The following KDR variants were observed in gnomAD, a reference collection of about 807,000 sequenced individuals.
The protein encoded by KDR is kinase insert domain receptor, also known as vascular endothelial growth factor receptor 2.
In KDR, 43 loss-of-function variants were observed where a neutral mutation model predicts 160.9. The observed-to-expected ratio is 0.27, with a 90% CI of 0.21 to 0.34. The LOEUF is 0.34. Among genes scored for constraint, KDR ranks in the 10% least tolerant of loss-of-function variants. KDR has a pLI of 1.00. For missense variants in KDR, 1,469 were observed against 1,666.4 expected, an observed-to-expected ratio of 0.88 and a Z score of 2.06; for synonymous variants, 617 against 600.1, an observed-to-expected ratio of 1.03 and a Z score of -0.41.
In KDR at chr4:55,118,639, G is replaced by A. The variant is rs1469682616; in HGVS notation, c.323C>T (p.Thr108Ile). 6.2e-7 allele frequency: 1 copy of A among 1,614,144 alleles called. No homozygotes were observed. Among genetic ancestry groups the A allele is most frequent in the East Asian group, 2.2e-5 (1 of 44,878 alleles). The change falls in exon 3 of 30, where the codon ACT (threonine) becomes ATT (isoleucine). Residue 108 changes from threonine to isoleucine, a missense_variant. Around this residue, in one of 7 missense-constraint regions of KDR, gnomAD observed 792 missense variants for 840.9 expected, o/e 0.94. Coordinates refer to ENST00000263923, the MANE Select transcript of KDR (RefSeq NM_002253.4). ...TGAYKCFYRETDLASVIYVYV... is the reference protein window; with the variant it reads ...TGAYKCFYREIDLASVIYVYV... Reference sequence around the variant, plus strand: ...GACATAAATGACCGAGGCCAAGTCAGTTTCCCGGTAGAAGCACTTGTAGGC... The same window carrying A: ...GACATAAATGACCGAGGCCAAGTCAATTTCCCGGTAGAAGCACTTGTAGGC...
intron 2 of KDR, among the ~76,000 whole-genome samples, chr4:55,119,420 G>C (rs564819843): frequency 6.6e-6 from 1 of 152,150 alleles, no homozygotes; most frequent in East Asian, 1.9e-4. Context: ...AAAAATCAAT[G>C]CCTTTATGGA....
At chr4:55,106,182 A>C (rs1021770009) in intron 11 of KDR, among the ~76,000 whole-genome samples, 22 of 152,026 alleles carry the variant, frequency 1.4e-4, no homozygotes, top group African/African-American at 5.3e-4. Context: ...TGCATTGTAT[A>C]CTTACCAGTT....
At chr4:55,092,831 A>AAGCAGAGAG in intron 21 of KDR, 117 bp from the exon 22 acceptor site, 1 of 737,512 alleles carries the variant, frequency 1.4e-6, no homozygotes, top group Non-Finnish European at 2.4e-6. Flanking sequence ...TAGGAAATAG[A>AAGCAGAGAG]AGCAGAGAGT....
At chr4:55,111,843 T>C (rs1004995430) in intron 7 of KDR, among the ~76,000 whole-genome samples, 1 of 152,220 alleles carries the variant, frequency 6.6e-6, no homozygotes, top group Non-Finnish European at 1.5e-5. Context: ...GGAACTTGAG[T>C]TCCAATCTCA....
Position 55,104,954 on chromosome 4 carries a change from A to C in KDR, c.1676T>G (p.Met559Arg), listed in dbSNP as rs571373045. ...CACGCTCTCCTGCTCAGTGGGCTGC[A>C]TGTCAGGTTGCAAAGTAATTTCAGG... ...RGPEITLQPD[M>R]QPTEQESVSL... is the part of the protein sequence containing the mutation. Residue 559 changes from methionine (M) to arginine (R), a missense_variant, in exon 13 of 30, where the codon ATG becomes AGG. By Grantham distance (91) the Met-to-Arg change is moderately conservative (BLOSUM62 -1). Around this residue, in one of 7 missense-constraint regions of KDR, gnomAD observed 792 missense variants for 840.9 expected, o/e 0.94. Coordinates refer to ENST00000263923, the MANE Select transcript of KDR (RefSeq NM_002253.4). The C allele has an allele frequency of 2.8e-5, 45 of 1,613,922 alleles. No individual in the cohort carries two copies. In the South Asian group the frequency reaches 3.7e-4, roughly 13 times the overall value.
rs55962737 is a variant in KDR at position 55,079,580 on chromosome 4, G to A, written c.*361C>T. 1 of 397,682 alleles carries A rather than the reference G, an allele frequency of 2.5e-6. No homozygotes were observed. 24.6% of individuals were successfully genotyped at this position (397,682 alleles called of 1,614,324 possible). ...CTTACATTGCCTGGTTTATCTTCTA[G>A]TTTTACAGAAGTGTCAGCTCCCCAG... On this transcript the variant is annotated 3_prime_UTR_variant, in exon 30 of 30. Transcript: ENST00000263923.
rs10517341 is a variant in KDR at position 55,105,096 on chromosome 4, G to T, written c.1646-112C>A. ...TACCAAAAGAAATGAAGCTCTATCC[G>T]TTCCAGGTGATGTACTACAACTTGA... is the stretch of plus-strand genomic sequence containing the variant. On this transcript the variant is annotated intron_variant, in intron 12 of 29. Transcript: ENST00000263923. 7 of 874,952 alleles carry T rather than the reference G, an allele frequency of 8.0e-6. No homozygotes were observed. The African/African-American group carries it at 9.9e-5, about 12-fold the overall frequency. The allele number at this position is 874,952 out of a possible 1,614,324, so 54.2% of individuals were successfully genotyped here.
rs760790012 is a variant in KDR at position 55,105,817 on chromosome 4, G to A, written c.1645+15C>T. 18 of 1,500,916 alleles carry A rather than the reference G, an allele frequency of 1.2e-5. No individual in the cohort carries two copies. In the South Asian group the frequency reaches 2.0e-4, roughly 17 times the overall value. The allele number at this position is 1,500,916 out of a possible 1,614,324, so 93.0% of individuals were successfully genotyped here. ...GTGAGTGATCCAACCCAAACCTCCA[G>A]AGAAGAGTACTTACTGGTCACGTGG... On this transcript the variant is annotated intron_variant, in intron 12 of 29. Transcript: ENST00000263923.
chr4:55,106,067 C>T, intron 11 of KDR, 127 bp from the exon 12 acceptor site: 2 of 757,336 alleles, frequency 2.6e-6, no homozygotes, highest in Non-Finnish European at 4.9e-6. Flanking sequence ...AGCGGTTGGA[C>T]ACGCTCAAAT....
At chr4:55,090,392 C>G (rs1183568650) in intron 22 of KDR, among the ~76,000 whole-genome samples, 2 of 152,168 alleles carry the variant, frequency 1.3e-5, no homozygotes, top group African/African-American at 2.4e-5. Flanking sequence ...TTCCTTTTAC[C>G]TGGCCCCATA....
intron 7 of KDR, among the ~76,000 whole-genome samples, chr4:55,111,587 A>C (rs564104633): frequency 3.9e-5 from 6 of 152,288 alleles, no homozygotes; most frequent in African/African-American, 1.4e-4. Context: ...TTAGCCTCCC[A>C]ACTGACCTCC....
In KDR at chr4:55,094,787, A is replaced by T; in HGVS notation, c.2971+15T>A. On this transcript the variant is annotated intron_variant, in intron 21 of 29. Transcript: ENST00000263923. Reference sequence around the variant, plus strand: ...CAAGAGCATGCCATAGCATGCAGGAAGCACTAGCCAGTACCTTCCTCTTCT... The same window carrying T: ...CAAGAGCATGCCATAGCATGCAGGATGCACTAGCCAGTACCTTCCTCTTCT... 1 of 1,612,314 alleles carries T rather than the reference A, an allele frequency of 6.2e-7. No individual in the cohort carries two copies. Among genetic ancestry groups the T allele is most frequent in the Non-Finnish European group, 8.5e-7 (1 of 1,178,362 alleles).
chr4:55,117,725 T>C (rs1720770442), intron 3 of KDR, among the ~76,000 whole-genome samples: 1 of 152,218 alleles, frequency 6.6e-6, no homozygotes, highest in African/African-American at 2.4e-5. Flanking sequence ...AAAAGGCATA[T>C]ACGTAAATAC....
intron 15 of KDR, among the ~76,000 whole-genome samples, chr4:55,099,132 C>T (rs1720245921): frequency 6.6e-6 from 1 of 152,022 alleles, no homozygotes; most frequent in South Asian, 2.1e-4. Flanking sequence ...TCTCCCCCCT[C>T]AGCCTCCCGA....
Position 55,089,941 on chromosome 4 carries a change from A to C in KDR, c.3192+15T>G. Reference sequence around the variant, plus strand: ...TGTTACTTAACCAAGCACTGGGTTCATATTTGAAACTTACATCTCCTTTTC... The same window carrying C: ...TGTTACTTAACCAAGCACTGGGTTCCTATTTGAAACTTACATCTCCTTTTC... On this transcript the variant is annotated intron_variant, in intron 23 of 29. Coordinates refer to ENST00000263923, the MANE Select transcript of KDR (RefSeq NM_002253.4). 1 of 1,614,080 alleles carries C rather than the reference A, an allele frequency of 6.2e-7. No homozygotes were observed. The highest frequency in any genetic ancestry group is 8.5e-7 in the Non-Finnish European group (1 of 1,179,920).
At position 55,086,194 on chromosome 4, in the gene KDR, C is replaced by T. The variant is rs149022508; in HGVS notation, c.3662+1413G>A. The stretch of plus-strand genomic sequence containing the variant: ...AACATGGACTTAGGGGTCAGAGGAA[C>T]TGGATTCATCTCAAGGATGTGATTT... On this transcript the variant is annotated intron_variant, in intron 27 of 29. Coordinates refer to ENST00000263923, the MANE Select transcript of KDR (RefSeq NM_002253.4). 3.6e-3 allele frequency among the ~76,000 whole-genome samples: 555 copies of T among 152,286 alleles called. 1 individual carries two copies. Among genetic ancestry groups the T allele is most frequent in the African/African-American group, 0.012 (507 of 41,558 alleles).
rs200156529 is a variant in KDR at position 55,095,664 on chromosome 4, C to T, written c.2730G>A (p.Gly910=). Residue 910 remains glycine (G), a splice_region_variant and synonymous_variant, in exon 20 of 30, where the codon GGG becomes GGA. Transcript: ENST00000263923. ...AGAATTCCACAATCACCATGAGTGG[C>T]CCTGCAGGCAGCATGTCCAGGAAGG... ...NLLGACTKPG[G]PLMVIVEFCK... 3.1e-6 allele frequency: 5 copies of T among 1,611,552 alleles called. No homozygotes were observed. Among genetic ancestry groups the T allele is most frequent in the Non-Finnish European group, 4.2e-6 (5 of 1,177,822 alleles).
At position 55,092,694 on chromosome 4, in the gene KDR, C is replaced by A. The variant is rs2110013743; in HGVS notation, c.2992G>T (p.Asp998Tyr). The stretch of plus-strand genomic sequence containing the variant: ...ATGAGATGCTCCAAGGTCAGGAAGT[C>A]CTTATACAGATCTTCAGGAGCTGTC... ...EEEAPEDLYK[D>Y]FLTLEHLICY... Residue 998 changes from aspartate (D) to tyrosine (Y), a missense_variant, in exon 22 of 30, where the codon GAC becomes TAC. By Grantham distance (160) the Asp-to-Tyr change is radical. Coordinates refer to ENST00000263923, the MANE Select transcript of KDR (RefSeq NM_002253.4). 6.2e-7 allele frequency: 1 copy of A among 1,613,522 alleles called. No individual in the cohort carries two copies.
chr4:55,115,945 A>G (rs1169969224), intron 3 of KDR, among the ~76,000 whole-genome samples: 2 of 152,234 alleles, frequency 1.3e-5, no homozygotes, highest in East Asian at 1.9e-4. Flanking sequence ...AACACTTTTG[A>G]ATTTGGTTAT....
Sources: allele counts gnomAD v4.1 joint callset (sites outside exome capture counted in the v4.1 genomes callset), GRCh38; gene constraint gnomAD v4.1.1; regional missense constraint gnomAD v4.1.1; transcripts MANE v1.5; gene names NCBI Gene and HGNC (gene_info 2026-07-23, HGNC 2026-07-21).